Variants in KLRG2 observed in about 807,000 individuals in gnomAD.
KLRG2 encodes killer cell lectin-like receptor subfamily G member 2.
A neutral mutation model predicts 35.4 loss-of-function variants in KLRG2; 39 were observed. The observed-to-expected ratio is 1.10, with a 90% CI of 0.85 to 1.44. KLRG2 has a LOEUF of 1.44. KLRG2 is among the 40% of genes most tolerant of loss of function. The probability of loss-of-function intolerance (pLI) is 0.00; values close to 1 mark genes in which losing one functional copy is unlikely to be tolerated. For synonymous variants in KLRG2, 283 were observed against 265.8 expected (o/e 1.06, Z -0.63); for missense variants, 632 against 570.9 (o/e 1.11, Z -1.09).
chr7:139,483,356 G>C lies in KLRG2; in HGVS notation c.287C>G (p.Pro96Arg). Reference sequence around the variant, plus strand: ...GGGCAGCTTGACCAAGGCAGGGCCCGGTGACGGCGGCTCGGGGCAGACCCC... The same window carrying C: ...GGGCAGCTTGACCAAGGCAGGGCCCCGTGACGGCGGCTCGGGGCAGACCCC... ...GYGVCPEPPS[P>R]GPALVKLPRN... Residue 96 changes from proline (P) to arginine (R), a missense_variant, in exon 1 of 5, where the codon CCG becomes CGG. Physicochemically the swap from Pro to Arg is moderately radical, Grantham distance 103. Coordinates refer to ENST00000340940, the MANE Select transcript of KLRG2 (RefSeq NM_198508.4). 6.5e-7 allele frequency: 1 copy of C among 1,541,396 alleles called. No homozygotes were observed. The highest frequency in any genetic ancestry group is 8.7e-7 in the Non-Finnish European group (1 of 1,154,120).
At chr7:139,461,678 G>C (rs75119408) in intron 3 of KLRG2, among the ~76,000 whole-genome samples, 12,504 of 151,438 alleles carry the variant, frequency 0.083, 874 homozygotes, top group East Asian at 0.39. Context: ...GCCCCTGCCC[G>C]CCAGCGAACA....
chr7:139,440,149 G>A, the KLRG2 span, among the ~76,000 whole-genome samples: 16 of 152,156 alleles, frequency 1.1e-4, no homozygotes, highest in East Asian at 5.8e-4. Flanking sequence ...TTGCTCTGTC[G>A]CCCAGGCTGG....
the KLRG2 span, among the ~76,000 whole-genome samples, chr7:139,436,470 T>A: frequency 6.6e-6 from 1 of 152,156 alleles, no homozygotes; most frequent in South Asian, 2.1e-4. Flanking sequence ...CAGTCCTTCC[T>A]TGGGACTAGT....
intron 3 of KLRG2, among the ~76,000 whole-genome samples, chr7:139,473,984 A>G (rs533873845): frequency 1.0e-3 from 159 of 152,226 alleles, no homozygotes; most frequent in Admixed American, 5.6e-3. Flanking sequence ...TGAATGACAT[A>G]CAAAGAACTG....
At chr7:139,435,541 C>T in the KLRG2 span, among the ~76,000 whole-genome samples, 2 of 152,172 alleles carry the variant, frequency 1.3e-5, no homozygotes, top group African/African-American at 4.8e-5. Flanking sequence ...ATGTATCCCA[C>T]CACTGCAATC....
chr7:139,462,649 G>T (rs909179454), intron 3 of KLRG2, among the ~76,000 whole-genome samples: 5 of 152,252 alleles, frequency 3.3e-5, no homozygotes, highest in African/African-American at 1.2e-4. Flanking sequence ...ACTTGACAAT[G>T]GTTCCAAATA....
chr7:139,483,378 C>A lies in KLRG2; in HGVS notation c.265G>T (p.Val89Phe), dbSNP rs758932840. 1.6e-5 allele frequency: 25 copies of A among 1,536,712 alleles called. No individual in the cohort carries two copies. In the South Asian group the frequency reaches 2.7e-4, roughly 17 times the overall value. ...CCCGGTGACGGCGGCTCGGGGCAGA[C>A]CCCGTAGCCCAGGCTGAGCGGCGGC... ...RVPPLSLGYG[V>F]CPEPPSPGPA... The change falls in exon 1 of 5, where the codon GTC becomes TTC. Residue 89 changes from valine (V) to phenylalanine (F), a missense_variant. Coordinates refer to ENST00000340940, the MANE Select transcript of KLRG2 (RefSeq NM_198508.4).
chr7:139,458,419 A>T (rs1796513390), intron 3 of KLRG2, among the ~76,000 whole-genome samples: 1 of 152,136 alleles, frequency 6.6e-6, no homozygotes, highest in African/African-American at 2.4e-5. Context: ...GTTTAATGAC[A>T]TAAAATTTAC....
chr7:139,450,134 C>T (rs1174212573), downstream of KLRG2, among the ~76,000 whole-genome samples: 1 of 151,766 alleles, frequency 6.6e-6, no homozygotes, highest in Non-Finnish European at 1.5e-5. Context: ...CCTCTGCCTC[C>T]CGGGTTCAAG....
chr7:139,447,792 GAATGTAATT>G (rs1461607068), downstream of KLRG2, among the ~76,000 whole-genome samples: 8 of 152,122 alleles, frequency 5.3e-5, no homozygotes, highest in Non-Finnish European at 8.8e-5. Flanking sequence ...ACAGCTCCAA[GAATGTAATT>G]CTCTGCAAGC....
chr7:139,470,206 T>G (rs200125512), intron 3 of KLRG2, among the ~76,000 whole-genome samples: 4 of 152,018 alleles, frequency 2.6e-5, no homozygotes, highest in Non-Finnish European at 5.9e-5. Flanking sequence ...TACATGTGTG[T>G]GCCACCATGC....
At chr7:139,482,061 G>C (rs1171449758) in intron 1 of KLRG2, among the ~76,000 whole-genome samples, 1 of 152,104 alleles carries the variant, frequency 6.6e-6, no homozygotes, top group Non-Finnish European at 1.5e-5. Flanking sequence ...TCTGTGTCAA[G>C]CTCCCCCTCC....
intron 3 of KLRG2, among the ~76,000 whole-genome samples, chr7:139,455,120 C>G (rs1443446219): frequency 6.7e-6 from 1 of 149,452 alleles, no homozygotes; most frequent in Admixed American, 6.7e-5. Flanking sequence ...TCAGGTTCAA[C>G]CGATTCTCCC....
intron 3 of KLRG2, among the ~76,000 whole-genome samples, chr7:139,466,093 TCA>T (rs970311524): frequency 1.3e-5 from 2 of 152,120 alleles, no homozygotes; most frequent in Non-Finnish European, 2.9e-5. Flanking sequence ...CAAAAAAATC[TCA>T]GTGTTCCATC....
downstream of KLRG2, among the ~76,000 whole-genome samples, chr7:139,448,090 G>A (rs1796330266): frequency 6.6e-6 from 1 of 152,026 alleles, no homozygotes; most frequent in Admixed American, 6.6e-5. Context: ...AACCTCCTAG[G>A]CTCAAAGGAT....
chr7:139,451,997 C>T (rs1268197278), downstream of KLRG2, among the ~76,000 whole-genome samples: 5 of 130,136 alleles, frequency 3.8e-5, no homozygotes, highest in Non-Finnish European at 7.8e-5. Context: ...GAGACAGAGT[C>T]TTGCACTGTC....
chr7:139,440,173 C>T, the KLRG2 span, among the ~76,000 whole-genome samples: 2 of 152,048 alleles, frequency 1.3e-5, no homozygotes, highest in African/African-American at 2.4e-5. Context: ...GCAGTGGCAC[C>T]GTCTCAGCTC....
At chr7:139,471,380 G>A (rs1481658065) in intron 3 of KLRG2, among the ~76,000 whole-genome samples, 4 of 151,968 alleles carry the variant, frequency 2.6e-5, no homozygotes, top group East Asian at 3.9e-4. Flanking sequence ...TTCACTTCTC[G>A]GCTGGGAGTG....
the KLRG2 span, among the ~76,000 whole-genome samples, chr7:139,443,077 T>C: frequency 6.8e-6 from 1 of 146,172 alleles, no homozygotes; most frequent in East Asian, 2.0e-4. Context: ...ACAAAAATAA[T>C]GGAACAGGAA....
Sources: allele counts gnomAD v4.1 joint callset (sites outside exome capture counted in the v4.1 genomes callset), GRCh38; gene constraint gnomAD v4.1.1; transcripts MANE v1.5; gene names NCBI Gene and HGNC (gene_info 2026-07-23, HGNC 2026-07-21).